Variants in MRGPRX3 observed in about 807,000 individuals in gnomAD.
MRGPRX3 encodes the protein mas-related G protein-coupled receptor member X3.
A neutral mutation model predicts 16.5 loss-of-function variants in MRGPRX3; 14 were observed. The ratio of observed to expected loss-of-function variants is 0.85; its 90% CI spans 0.56 to 1.33. MRGPRX3 has a LOEUF of 1.33. Among genes scored for constraint, MRGPRX3 ranks in the 40% most tolerant of loss-of-function variants. MRGPRX3 has a pLI of 0.00. For synonymous variants in MRGPRX3, 199 were observed against 180.1 expected (o/e 1.10, Z -0.84); for missense variants, 449 against 413.0 (o/e 1.09, Z -0.76).
chr11:18,128,460 C>T (rs1590304422), upstream of MRGPRX3, among the ~76,000 whole-genome samples: 1 of 152,236 alleles, frequency 6.6e-6, no homozygotes, highest in Admixed American at 6.5e-5. Flanking sequence ...TGTTTGCCTA[C>T]TCAAGCCTCA....
upstream of MRGPRX3, among the ~76,000 whole-genome samples, chr11:18,128,766 G>A (rs1848929682): frequency 6.6e-6 from 1 of 152,202 alleles, no homozygotes; most frequent in Non-Finnish European, 1.5e-5. Flanking sequence ...CTCACACTTG[G>A]TGCGCTGCAC....
At chr11:18,132,879 T>G (rs1848975141) in intron 1 of MRGPRX3, 140 bp downstream of exon 1, 2 of 152,212 alleles carry the variant, frequency 1.3e-5, no homozygotes, top group Non-Finnish European at 2.9e-5. Flanking sequence ...GAAGCTTCCT[T>G]TCAGAAACTG....
At chr11:18,128,024 G>T (rs980810735), upstream of MRGPRX3, among the ~76,000 whole-genome samples, 3 of 152,216 alleles carry the variant, frequency 2.0e-5, no homozygotes, top group African/African-American at 7.2e-5. Flanking sequence ...GTTGGAGTTT[G>T]CTGGAGGTCC....
chr11:18,126,085 C>A (rs530241759), intron 1 of MRGPRX3, among the ~76,000 whole-genome samples: 30 of 152,110 alleles, frequency 2.0e-4, no homozygotes, highest in African/African-American at 5.8e-4. Flanking sequence ...CTATCTGTGT[C>A]TCTGCACATT....
At position 18,137,259 on chromosome 11, in the gene MRGPRX3, G is replaced by A. The variant is rs761175440; in HGVS notation, c.57G>A (p.Glu19=). The stretch of plus-strand genomic sequence containing the variant: ...AACTGACACCAATCAACGGACGTGA[G>A]GAGACTCCTTGCTACAAGCAGACCC... ...GTELTPINGR[E]ETPCYKQTLS... The change falls in exon 2 of 2, where the codon GAG becomes GAA. Residue 19 remains glutamate, a synonymous_variant. Coordinates refer to ENST00000621697, the MANE Select transcript of MRGPRX3 (RefSeq NM_001370464.1). 32 of 1,613,760 alleles carry A rather than the reference G, an allele frequency of 2.0e-5. No individual in the cohort carries two copies. The South Asian group carries it at 3.4e-4, about 17-fold the overall frequency.
At chr11:18,129,412 T>A (rs967157425), upstream of MRGPRX3, among the ~76,000 whole-genome samples, 6 of 152,212 alleles carry the variant, frequency 3.9e-5, no homozygotes, top group African/African-American at 1.4e-4. Context: ...TGATCACCTT[T>A]ACATGCACAA....
chr11:18,138,150 G>C lies in MRGPRX3; in HGVS notation c.948G>C (p.Ser316=). The C allele has an allele frequency of 6.2e-7, 1 of 1,612,248 alleles. No individual in the cohort carries two copies. Among genetic ancestry groups the C allele is most frequent in the Non-Finnish European group, 8.5e-7 (1 of 1,179,026 alleles). Residue 316 remains serine, a synonymous_variant, in exon 2 of 2, where the codon TCG becomes TCC. Coordinates refer to ENST00000621697, the MANE Select transcript of MRGPRX3 (RefSeq NM_001370464.1). ...TTCCTCAGGAAACCCTGGAGCTGTC[G>C]GGAAGCAGATTGGAGCAGTGAGGAA... is the stretch of plus-strand genomic sequence containing the variant. ...GWLPQETLEL[S]GSRLEQ
upstream of MRGPRX3, among the ~76,000 whole-genome samples, chr11:18,132,270 A>G (rs1036979050): frequency 6.6e-6 from 1 of 152,186 alleles, no homozygotes; most frequent in African/African-American, 2.4e-5. Flanking sequence ...AAACATCAAA[A>G]AATTGTGTCA....
chr11:18,129,860 G>A (rs1848942411), upstream of MRGPRX3, among the ~76,000 whole-genome samples: 1 of 152,184 alleles, frequency 6.6e-6, no homozygotes, highest in Non-Finnish European at 1.5e-5. Flanking sequence ...TACCAGGGGT[G>A]CAGGATAGGT....
At chr11:18,130,208 G>A (rs538287136), upstream of MRGPRX3, among the ~76,000 whole-genome samples, 2 of 152,150 alleles carry the variant, frequency 1.3e-5, no homozygotes, top group South Asian at 4.1e-4. Flanking sequence ...GAAATCAAGG[G>A]CACCCAAATC....
rs777866935 is a variant in MRGPRX3 at position 18,137,427 on chromosome 11, C to T, written c.225C>T (p.Phe75=). Residue 75 remains phenylalanine (F), a synonymous_variant, in exon 2 of 2, where the codon TTC becomes TTT. Transcript: ENST00000621697. ...ACCTGGTCGCGGCCGACTTCCTCTT[C>T]CTTAGCGGCCACATTATATGTTCGC... is the stretch of plus-strand genomic sequence containing the variant. ...ILNLVAADFL[F]LSGHIICSPL... is the part of the protein sequence containing the mutation. 60 of 1,614,088 alleles carry T rather than the reference C, an allele frequency of 3.7e-5. No homozygotes were observed. Among genetic ancestry groups the T allele is most frequent in the Middle Eastern group, 1.6e-4 (1 of 6,084 alleles).
upstream of MRGPRX3, among the ~76,000 whole-genome samples, chr11:18,132,031 C>T (rs998056915): frequency 6.6e-6 from 1 of 152,112 alleles, no homozygotes; most frequent in African/African-American, 2.4e-5. Context: ...AAGCAAACAC[C>T]ACCTGTTCCC....
upstream of MRGPRX3, among the ~76,000 whole-genome samples, chr11:18,131,298 T>A (rs542995058): frequency 2.6e-5 from 4 of 152,070 alleles, no homozygotes; most frequent in African/African-American, 7.2e-5. Context: ...GACCAAGGAC[T>A]AATATCCGGA....
chr11:18,130,412 A>G (rs553902542), upstream of MRGPRX3, among the ~76,000 whole-genome samples: 14 of 152,180 alleles, frequency 9.2e-5, no homozygotes, highest in Non-Finnish European at 1.2e-4. Context: ...CAAATCAAGA[A>G]CTCAAACACT....
At chr11:18,123,774 T>A (rs1005285590) in intron 1 of MRGPRX3, among the ~76,000 whole-genome samples, 3 of 152,228 alleles carry the variant, frequency 2.0e-5, no homozygotes, top group Non-Finnish European at 4.4e-5. Flanking sequence ...TAAATTACCT[T>A]GGGCAGTATG....
At chr11:18,131,116 T>C (rs1848956772), upstream of MRGPRX3, among the ~76,000 whole-genome samples, 1 of 152,068 alleles carries the variant, frequency 6.6e-6, no homozygotes, top group African/African-American at 2.4e-5. Flanking sequence ...TTCTAGACAT[T>C]CACTTAGGCA....
chr11:18,132,690 C>T lies in MRGPRX3; in HGVS notation c.-75C>T, dbSNP rs1176811229. ...ACTGAATCCCATAAAGGCTCTCTAC[C>T]TTTAGCACAAGGGAGGTCTTCACCA... On this transcript the variant is annotated 5_prime_UTR_variant, in exon 1 of 2. Coordinates refer to ENST00000621697, the MANE Select transcript of MRGPRX3 (RefSeq NM_001370464.1). 1.3e-5 allele frequency: 2 copies of T among 152,246 alleles called. No individual in the cohort carries two copies. Among genetic ancestry groups the T allele is most frequent in the Non-Finnish European group, 2.9e-5 (2 of 68,066 alleles). The allele number at this position is 152,246 out of a possible 1,614,324, so 9.4% of individuals were successfully genotyped here.
intron 1 of MRGPRX3, among the ~76,000 whole-genome samples, chr11:18,123,265 G>A (rs1328271338): frequency 6.6e-6 from 1 of 152,036 alleles, no homozygotes. Context: ...CCTTGCCCAT[G>A]CCTATGTCCC....
rs753838290 is a variant in MRGPRX3, at chr11:18,138,179, C to G, written c.*8C>G. On this transcript the variant is annotated 3_prime_UTR_variant, in exon 2 of 2. Coordinates refer to ENST00000621697, the MANE Select transcript of MRGPRX3 (RefSeq NM_001370464.1). ...AGCAGATTGGAGCAGTGAGGAAGAA[C>G]CTCTGCCCTGTCAGACAGGACTTTG... 6.3e-7 allele frequency: 1 copy of G among 1,593,558 alleles called. No homozygotes were observed. The highest frequency in any genetic ancestry group is 1.8e-5 in the Admixed American group (1 of 56,568).
Sources: allele counts gnomAD v4.1 joint callset (sites outside exome capture counted in the v4.1 genomes callset), GRCh38; gene constraint gnomAD v4.1.1; transcripts MANE v1.5; gene names NCBI Gene and HGNC (gene_info 2026-07-23, HGNC 2026-07-21).